The following STK33 variants were observed in gnomAD, a reference collection of about 807,000 sequenced individuals.
STK33 encodes the protein serine/threonine-protein kinase 33.
A neutral mutation model predicts 58.0 loss-of-function variants in STK33; 52 were observed. The ratio of observed to expected loss-of-function variants is 0.90; its 90% CI spans 0.72 to 1.13. The LOEUF (loss-of-function observed/expected upper bound fraction) is 1.13. STK33 is among the 50% of genes most tolerant of loss of function. STK33 has a pLI of 0.00. For synonymous variants in STK33, 215 were observed against 200.1 expected (o/e 1.07, Z -0.63); for missense variants, 630 against 604.2 (o/e 1.04, Z -0.45).
the STK33 span, among the ~76,000 whole-genome samples, chr11:8,365,808 G>T: frequency 6.6e-6 from 1 of 151,984 alleles, no homozygotes; most frequent in Non-Finnish European, 1.5e-5. Context: ...CCATTACTGG[G>T]CACCTGGCCA....
the STK33 span, among the ~76,000 whole-genome samples, chr11:8,344,198 A>ACACACACACACACAC: frequency 7.3e-6 from 1 of 137,118 alleles, no homozygotes; most frequent in African/African-American, 2.8e-5. Flanking sequence ...AAACAAACAA[A>ACACACACACACACAC]ACACACACAC....
chr11:8,390,196 T>A (rs1028021381), downstream of STK33, among the ~76,000 whole-genome samples: 2 of 152,186 alleles, frequency 1.3e-5, no homozygotes, highest in African/African-American at 4.8e-5. Flanking sequence ...CTTTTTATCA[T>A]ATTTTGCCTG....
chr11:8,367,925 G>T, the STK33 span, among the ~76,000 whole-genome samples: 1 of 152,122 alleles, frequency 6.6e-6, no homozygotes, highest in Non-Finnish European at 1.5e-5. Context: ...CTATCTCCAG[G>T]TGTTCCCATC....
chr11:8,383,785 G>A, the STK33 span, among the ~76,000 whole-genome samples: 7 of 152,178 alleles, frequency 4.6e-5, no homozygotes, highest in Non-Finnish European at 8.8e-5. Flanking sequence ...TTGAGTGAGG[G>A]AGACACACTT....
intron 1 of STK33, among the ~76,000 whole-genome samples, chr11:8,536,972 A>ATCT (rs1955070178): frequency 1.4e-3 from 95 of 65,738 alleles, no homozygotes; most frequent in East Asian, 2.9e-3. Context: ...AAAAAAAAAG[A>ATCT]TTTTTTTTTT....
At chr11:8,490,157 T>C (rs954105492) in intron 1 of STK33, among the ~76,000 whole-genome samples, 1 of 152,184 alleles carries the variant, frequency 6.6e-6, no homozygotes, top group African/African-American at 2.4e-5. Context: ...GATTTCCCTT[T>C]CCTAGCCAAG....
chr11:8,579,599 G>A (rs75688471), intron 1 of STK33, among the ~76,000 whole-genome samples: 2,750 of 151,966 alleles, frequency 0.018, 90 homozygotes, highest in African/African-American at 0.062. Context: ...AGCCAAAGAA[G>A]AGAAGCGACT....
At chr11:8,375,089 T>C in the STK33 span, among the ~76,000 whole-genome samples, 1 of 152,248 alleles carries the variant, frequency 6.6e-6, no homozygotes, top group Non-Finnish European at 1.5e-5. Flanking sequence ...GCAGCACTAA[T>C]GCTCCCACAG....
intron 1 of STK33, among the ~76,000 whole-genome samples, chr11:8,486,696 G>C (rs772250160): frequency 2.0e-5 from 3 of 152,176 alleles, no homozygotes; most frequent in Non-Finnish European, 4.4e-5. Context: ...TTTTTGGAAA[G>C]CACATTCTAC....
intron 1 of STK33, among the ~76,000 whole-genome samples, chr11:8,519,820 A>G (rs561580616): frequency 1.3e-5 from 2 of 152,340 alleles, no homozygotes; most frequent in East Asian, 3.9e-4. Context: ...GAATAGACCA[A>G]TAACAGGTTC....
intron 8 of STK33, among the ~76,000 whole-genome samples, chr11:8,459,042 G>A (rs1004820949): frequency 6.6e-6 from 1 of 152,164 alleles, no homozygotes; most frequent in South Asian, 2.1e-4. Context: ...TGACAGGACT[G>A]TACAGTTCAC....
chr11:8,419,222 A>G (rs1941567157), intron 14 of STK33, among the ~76,000 whole-genome samples: 1 of 152,140 alleles, frequency 6.6e-6, no homozygotes, highest in African/African-American at 2.4e-5. Context: ...TGCATTTTAC[A>G]TTTAAGTATT....
intron 1 of STK33, among the ~76,000 whole-genome samples, chr11:8,563,872 G>A (rs887447331): frequency 2.0e-5 from 3 of 152,098 alleles, no homozygotes; most frequent in Non-Finnish European, 2.9e-5. Context: ...CCAAAAAGAG[G>A]AGCCAGGAAG....
the STK33 span, among the ~76,000 whole-genome samples, chr11:8,383,881 G>A: frequency 6.6e-6 from 1 of 152,178 alleles, no homozygotes. Context: ...TCTGCACACA[G>A]TTTCGCTATT....
chr11:8,383,770 A>C, the STK33 span, among the ~76,000 whole-genome samples: 3 of 152,330 alleles, frequency 2.0e-5, no homozygotes, highest in African/African-American at 7.2e-5. Flanking sequence ...GTCACTGCCT[A>C]GTCCTTGAGT....
At chr11:8,477,890 T>C (rs1313106741) in intron 2 of STK33, among the ~76,000 whole-genome samples, 1 of 152,176 alleles carries the variant, frequency 6.6e-6, no homozygotes, top group Non-Finnish European at 1.5e-5. Context: ...ACTGAGAAGT[T>C]TCATTTTTGC....
chr11:8,403,107 G>A (rs1938421313), intron 15 of STK33, among the ~76,000 whole-genome samples: 1 of 152,194 alleles, frequency 6.6e-6, no homozygotes, highest in Non-Finnish European at 1.5e-5. Context: ...TAAGGGGAAA[G>A]ATTGTAAATG....
At chr11:8,538,007 C>T (rs1455056349) in intron 1 of STK33, among the ~76,000 whole-genome samples, 1 of 151,526 alleles carries the variant, frequency 6.6e-6, no homozygotes, top group Non-Finnish European at 1.5e-5. Flanking sequence ...GGCAACATGG[C>T]GAAACCTCGT....
intron 11 of STK33, among the ~76,000 whole-genome samples, chr11:8,452,327 A>C (rs749454442): frequency 6.6e-6 from 1 of 152,232 alleles, no homozygotes; most frequent in Non-Finnish European, 1.5e-5. Flanking sequence ...CCAGAGAAAT[A>C]ACAAAATTTT....
Sources: allele counts gnomAD v4.1 joint callset (sites outside exome capture counted in the v4.1 genomes callset), GRCh38; gene constraint gnomAD v4.1.1; transcripts MANE v1.5; gene names NCBI Gene and HGNC (gene_info 2026-07-23, HGNC 2026-07-21).